BBS7: variants seen among roughly 807,000 people sequenced by gnomAD.
The protein encoded by BBS7 is Bardet-Biedl syndrome 7, also known as BBSome complex member BBS7.
A neutral mutation model predicts 90.3 loss-of-function variants in BBS7; 50 were observed. The ratio of observed to expected loss-of-function variants is 0.55; its 90% CI spans 0.44 to 0.70. BBS7 has a LOEUF of 0.70. Among genes scored for constraint, BBS7 ranks in the 30% least tolerant of loss-of-function variants. BBS7 has a pLI of 0.00. For missense variants in BBS7, 729 were observed against 838.9 expected, an observed-to-expected ratio of 0.87 and a Z score of 1.62; for synonymous variants, 235 against 287.4, an observed-to-expected ratio of 0.82 and a Z score of 1.85.
At chr4:121,849,770 C>T (rs1726217581) in intron 8 of BBS7, among the ~76,000 whole-genome samples, 1 of 152,118 alleles carries the variant, frequency 6.6e-6, no homozygotes, top group Admixed American at 6.5e-5. Context: ...GCGGAGGTTG[C>T]AGTGAGCTGA....
chr4:121,854,701 T>C lies in BBS7; in HGVS notation c.718+3A>G, dbSNP rs1273330717. On this transcript the variant is annotated splice_donor_region_variant and intron_variant, in intron 7 of 18. Coordinates refer to ENST00000264499, the MANE Select transcript of BBS7 (RefSeq NM_176824.3). ...CAGAATCTGAACTACATGAAAAGCA[T>C]ACCTCCTCTCTTTTTCTCATTTTGA... The C allele has an allele frequency of 2.5e-6, 4 of 1,610,990 alleles. No individual in the cohort carries two copies. The East Asian group carries it at 6.7e-5, about 27-fold the overall frequency.
At chr4:121,840,670 G>T (rs1228699300) in intron 12 of BBS7, among the ~76,000 whole-genome samples, 1 of 151,926 alleles carries the variant, frequency 6.6e-6, no homozygotes, top group African/African-American at 2.4e-5. Flanking sequence ...AAGAGACACA[G>T]CAACATAAGA....
At chr4:121,868,684 CAAAAAAAAAAAAAA>C (rs34910805) in intron 1 of BBS7, among the ~76,000 whole-genome samples, 53 of 49,690 alleles carry the variant, frequency 1.1e-3, no homozygotes, top group African/African-American at 2.8e-3. Flanking sequence ...GACCCTGTTT[CAAAAAAAAAAAAAA>C]AAAAAAAAAA....
chr4:121,855,893 C>T (rs1726628503), intron 5 of BBS7, among the ~76,000 whole-genome samples: 1 of 144,060 alleles, frequency 6.9e-6, no homozygotes, highest in African/African-American at 2.8e-5. Flanking sequence ...TATGTACATA[C>T]ATGTATGTGT....
At chr4:121,864,968 T>G (rs1477863454) in intron 2 of BBS7, among the ~76,000 whole-genome samples, 1 of 152,190 alleles carries the variant, frequency 6.6e-6, no homozygotes, top group Non-Finnish European at 1.5e-5. Flanking sequence ...CATCCTATAG[T>G]GGTATAGACT....
intron 8 of BBS7, among the ~76,000 whole-genome samples, chr4:121,852,476 T>C (rs1333065265): frequency 2.0e-5 from 3 of 152,114 alleles, no homozygotes; most frequent in Non-Finnish European, 4.4e-5. Flanking sequence ...TGAATTAAAA[T>C]TACTTTTATC....
chr4:121,854,087 C>A (rs74784901), intron 7 of BBS7, among the ~76,000 whole-genome samples: 2 of 152,170 alleles, frequency 1.3e-5, no homozygotes, highest in Non-Finnish European at 2.9e-5. Flanking sequence ...TCTTTGACTA[C>A]GTGGTCTAAA....
At chr4:121,857,723 C>T (rs1223359514) in intron 5 of BBS7, among the ~76,000 whole-genome samples, 1 of 151,896 alleles carries the variant, frequency 6.6e-6, no homozygotes, top group Non-Finnish European at 1.5e-5. Flanking sequence ...TGTTAAAAGC[C>T]TTGTTCAAAA....
At position 121,863,260 on chromosome 4, in the gene BBS7, T is replaced by C; in HGVS notation, c.122A>G (p.Asp41Gly). 2 of 1,613,752 alleles carry C rather than the reference T, an allele frequency of 1.2e-6. No individual in the cohort carries two copies. Among genetic ancestry groups the C allele is most frequent in the Non-Finnish European group, 1.7e-6 (2 of 1,179,776 alleles). Residue 41 changes from aspartate (D) to glycine (G), a missense_variant, in exon 3 of 19, where the codon GAT becomes GGT. Transcript: ENST00000264499. ...CATGCCAAAGCACATAACTACCCCA[T>C]CATGATCTCCAATAACCACCTGTAA... Reference protein sequence around the residue: ...ATQKVVIGDHDGVVMCFGMKK... With the variant: ...ATQKVVIGDHGGVVMCFGMKK...
chr4:121,855,262 T>C (rs1012699092), intron 6 of BBS7, among the ~76,000 whole-genome samples: 1 of 152,038 alleles, frequency 6.6e-6, no homozygotes, highest in Non-Finnish European at 1.5e-5. Context: ...GAGCTGAGAT[T>C]GTACCACTGC....
intron 8 of BBS7, 99 bp from the exon 9 acceptor site, chr4:121,849,027 A>T: frequency 4.8e-6 from 4 of 841,388 alleles, no homozygotes; most frequent in Non-Finnish European, 8.0e-6. Context: ...CAGACATTCA[A>T]CATATATTTA....
intron 1 of BBS7, among the ~76,000 whole-genome samples, chr4:121,869,277 T>C (rs141570565): frequency 4.6e-5 from 7 of 152,162 alleles, no homozygotes; most frequent in Non-Finnish European, 1.0e-4. Flanking sequence ...GATGAGGAAT[T>C]GGGGTAGAGA....
intron 4 of BBS7, among the ~76,000 whole-genome samples, chr4:121,859,702 C>A (rs1726874633): frequency 6.6e-6 from 1 of 151,926 alleles, no homozygotes; most frequent in Non-Finnish European, 1.5e-5. Flanking sequence ...TTTCTTACTA[C>A]CACACTAAAT....
chr4:121,826,043 G>A (rs768740320), intron 18 of BBS7, 50 bp from the exon 19 acceptor site: 1 of 1,455,886 alleles, frequency 6.9e-7, no homozygotes, highest in African/African-American at 1.4e-5. Flanking sequence ...TATATTTAAT[G>A]ACACAGTATT....
At chr4:121,826,904 A>G (rs900058260) in intron 18 of BBS7, among the ~76,000 whole-genome samples, 3 of 152,160 alleles carry the variant, frequency 2.0e-5, no homozygotes, top group Non-Finnish European at 4.4e-5. Flanking sequence ...GAATTGCTTG[A>G]ACCCAGGGGG....
In BBS7 at chr4:121,833,269, C is replaced by G; in HGVS notation, c.1638G>C (p.Gln546His). 6.2e-7 allele frequency: 1 copy of G among 1,613,906 alleles called. No homozygotes were observed. Among genetic ancestry groups the G allele is most frequent in the Non-Finnish European group, 8.5e-7 (1 of 1,179,900 alleles). Residue 546 changes from glutamine (Q) to histidine (H), a missense_variant, in exon 15 of 19, where the codon CAG (glutamine) becomes CAC (histidine). By Grantham distance (24) the Gln-to-His change is conservative. Coordinates refer to ENST00000264499, the MANE Select transcript of BBS7 (RefSeq NM_176824.3). ...CAAGTTGTGTATCTAGAAAGGTGTT[C>G]TGAAAGTAAAATGTCACACATTCTC... ...PAGECVTFYFQNTFLDTQLES... is the reference protein window; with the variant it reads ...PAGECVTFYFHNTFLDTQLES...
intron 10 of BBS7, among the ~76,000 whole-genome samples, chr4:121,846,549 A>T (rs1224488960): frequency 1.3e-5 from 2 of 152,186 alleles, no homozygotes; most frequent in East Asian, 3.8e-4. Flanking sequence ...GGAATCAAGA[A>T]ATGGTAGACT....
chr4:121,826,080 AT>A lies in BBS7; in HGVS notation c.2015-88del, dbSNP rs960510621. 2.7e-6 allele frequency: 3 copies of A among 1,105,206 alleles called. No homozygotes were observed. In the African/African-American group the frequency reaches 4.7e-5, roughly 17 times the overall value. 68.5% of individuals were successfully genotyped at this position (1,105,206 alleles called of 1,614,324 possible). The stretch of plus-strand genomic sequence containing the variant: ...CACTAAAGTAATTGCTTGATAATCT[AT>A]TTTTAAGCACCTGTAATTCCATGAT... On this transcript the variant is annotated intron_variant, in intron 18 of 18. Coordinates refer to ENST00000264499, the MANE Select transcript of BBS7 (RefSeq NM_176824.3).
At chr4:121,863,882 A>T (rs1727118113) in intron 2 of BBS7, among the ~76,000 whole-genome samples, 1 of 152,184 alleles carries the variant, frequency 6.6e-6, no homozygotes, top group African/African-American at 2.4e-5. Flanking sequence ...GGGACATTTT[A>T]ACACTTCTTC....
Sources: allele counts gnomAD v4.1 joint callset (sites outside exome capture counted in the v4.1 genomes callset), GRCh38; gene constraint gnomAD v4.1.1; transcripts MANE v1.5; gene names NCBI Gene and HGNC (gene_info 2026-07-23, HGNC 2026-07-21).